Variants in SPAG16 observed in about 807,000 individuals in gnomAD.
The protein encoded by SPAG16 is sperm-associated antigen 16 protein.
In SPAG16, 86 loss-of-function variants were observed where a neutral mutation model predicts 80.4. The observed-to-expected ratio is 1.07, with a 90% CI of 0.90 to 1.28. The LOEUF (loss-of-function observed/expected upper bound fraction) is 1.28, where lower values mean the gene tolerates loss of function less well. Among genes scored for constraint, SPAG16 ranks in the 50% most tolerant of loss-of-function variants. The pLI is 0.00. For synonymous variants in SPAG16, 294 were observed against 265.9 expected (o/e 1.11, Z -1.03); for missense variants, 870 against 765.3 (o/e 1.14, Z -1.61).
intron 1 of SPAG16, among the ~76,000 whole-genome samples, chr2:213,285,227 A>G (rs1476014836): frequency 2.6e-5 from 4 of 152,324 alleles, no homozygotes; most frequent in Admixed American, 6.5e-5. Flanking sequence ...ATAAATAATG[A>G]TCTGGTGAGC....
chr2:214,382,775 G>T (rs1417993164), intron 15 of SPAG16, among the ~76,000 whole-genome samples: 1 of 152,154 alleles, frequency 6.6e-6, no homozygotes, highest in Non-Finnish European at 1.5e-5. Flanking sequence ...CAGACAATAG[G>T]CTTTTTCTTT....
chr2:214,111,881 T>TA (rs1034753412), intron 14 of SPAG16, among the ~76,000 whole-genome samples: 1 of 152,130 alleles, frequency 6.6e-6, no homozygotes, highest in African/African-American at 2.4e-5. Context: ...TATCTTTTTA[T>TA]AACTATTGTG....
intron 10 of SPAG16, among the ~76,000 whole-genome samples, chr2:213,803,532 A>AT (rs945845971): frequency 2.0e-5 from 3 of 152,110 alleles, no homozygotes; most frequent in African/African-American, 7.2e-5. Flanking sequence ...CTCCAGATAG[A>AT]TTTTTTTAAA....
At chr2:214,050,931 C>T (rs924807165) in intron 13 of SPAG16, among the ~76,000 whole-genome samples, 1 of 152,202 alleles carries the variant, frequency 6.6e-6, no homozygotes, top group African/African-American at 2.4e-5. Context: ...ACATGTTTTA[C>T]TCTCCAACAT....
intron 10 of SPAG16, among the ~76,000 whole-genome samples, chr2:213,689,409 A>G (rs6435787): frequency 0.42 from 63,307 of 151,802 alleles, 14,028 homozygotes; most frequent in African/African-American, 0.56. Flanking sequence ...CTTTTTGGGT[A>G]CTGGATATTT....
chr2:214,033,461 T>C lies in SPAG16; in HGVS notation c.1527+19384T>C, dbSNP rs1362211446. Among the ~76,000 whole-genome samples the C allele has an allele frequency of 2.0e-5, 3 of 152,278 alleles. No homozygotes were observed. The East Asian group carries it at 5.8e-4, about 29-fold the overall frequency. On this transcript the variant is annotated intron_variant, in intron 13 of 15. Coordinates refer to ENST00000331683, the MANE Select transcript of SPAG16 (RefSeq NM_024532.5). ...TGCTGAGAAGAGACTGAGAGGGGGC[T>C]GGAAGACAATAATCCAGGCAGAAGA...
At chr2:214,384,303 T>G (rs1574469291) in intron 15 of SPAG16, among the ~76,000 whole-genome samples, 1 of 152,230 alleles carries the variant, frequency 6.6e-6, no homozygotes, top group Non-Finnish European at 1.5e-5. Flanking sequence ...GAATTTTCCT[T>G]TCCTACTTAA....
chr2:214,107,920 C>A (rs1019704858), intron 13 of SPAG16, among the ~76,000 whole-genome samples: 1 of 152,124 alleles, frequency 6.6e-6, no homozygotes, highest in African/African-American at 2.4e-5. Flanking sequence ...TTGAGAAATG[C>A]AGCCACTTAG....
At chr2:213,407,939 G>A (rs2068744368) in intron 9 of SPAG16, among the ~76,000 whole-genome samples, 2 of 109,774 alleles carry the variant, frequency 1.8e-5, no homozygotes, top group South Asian at 3.5e-4. Flanking sequence ...GAGGAGAGAG[G>A]CAGAGAGAGA....
chr2:213,749,238 CTATTA>C (rs1188126234), intron 10 of SPAG16, among the ~76,000 whole-genome samples: 1 of 152,024 alleles, frequency 6.6e-6, no homozygotes, highest in Non-Finnish European at 1.5e-5. Context: ...TCTTCTTTTG[CTATTA>C]TATTTATATT....
chr2:214,281,170 G>A (rs891157605), intron 15 of SPAG16: 20 of 334,950 alleles, frequency 6.0e-5, no homozygotes, highest in Non-Finnish European at 9.4e-5. Flanking sequence ...AGTACAATAC[G>A]CTGCAGCGTA....
intron 11 of SPAG16, among the ~76,000 whole-genome samples, chr2:213,884,357 G>A (rs931754318): frequency 2.6e-5 from 4 of 152,108 alleles, no homozygotes; most frequent in African/African-American, 9.7e-5. Context: ...TGCTTTTATG[G>A]TTTCTGCTGA....
chr2:214,334,341 A>G (rs1250551751), intron 15 of SPAG16, among the ~76,000 whole-genome samples: 1 of 152,226 alleles, frequency 6.6e-6, no homozygotes, highest in South Asian at 2.1e-4. Context: ...TAAGAAAAGC[A>G]TGCTCCAGTT....
chr2:213,918,422 G>T (rs931475164), intron 11 of SPAG16, among the ~76,000 whole-genome samples: 8 of 152,104 alleles, frequency 5.3e-5, no homozygotes, highest in Middle Eastern at 3.4e-3. Context: ...TGGTTGATAG[G>T]CTGATATGGT....
chr2:214,134,933 C>T (rs1056856506), intron 14 of SPAG16, among the ~76,000 whole-genome samples: 4 of 152,174 alleles, frequency 2.6e-5, no homozygotes, highest in Admixed American at 6.6e-5. Context: ...CTGCTTTGTG[C>T]TCTGACATTG....
At chr2:213,701,426 G>A (rs571430853) in intron 10 of SPAG16, among the ~76,000 whole-genome samples, 9 of 152,136 alleles carry the variant, frequency 5.9e-5, no homozygotes, top group African/African-American at 1.2e-4. Context: ...CACTCTTGGC[G>A]CCTCCTCGGT....
chr2:213,368,443 C>T (rs534570075), intron 8 of SPAG16, among the ~76,000 whole-genome samples: 82 of 152,176 alleles, frequency 5.4e-4, no homozygotes, highest in Admixed American at 1.7e-3. Flanking sequence ...TTATGACAAA[C>T]CCACAGCCAA....
intron 10 of SPAG16, among the ~76,000 whole-genome samples, chr2:213,571,963 C>T (rs2059927215): frequency 7.7e-6 from 1 of 129,534 alleles, no homozygotes; most frequent in South Asian, 2.5e-4. Context: ...CTCTAAACTT[C>T]CCTTCTCGCT....
At chr2:214,220,186 TATAAGAA>T (rs1387810202) in intron 15 of SPAG16, among the ~76,000 whole-genome samples, 2 of 152,132 alleles carry the variant, frequency 1.3e-5, no homozygotes, top group Non-Finnish European at 2.9e-5. Flanking sequence ...TTAAATATCT[TATAAGAA>T]TGTTAACACA....
Sources: gnomAD v4.1 joint callset for allele counts (sites outside exome capture counted in the v4.1 genomes callset) on GRCh38, gnomAD v4.1.1 for gene constraint, MANE v1.5 for transcripts, NCBI Gene and HGNC (gene_info 2026-07-23, HGNC 2026-07-21) for gene names.